The following PDZRN4 variants were observed in gnomAD, a reference collection of about 807,000 sequenced individuals.
The protein encoded by PDZRN4 is PDZ domain-containing RING finger protein 4.
A neutral mutation model predicts 99.0 loss-of-function variants in PDZRN4; 70 were observed. The ratio of observed to expected loss-of-function variants is 0.71; its 90% CI spans 0.58 to 0.86. The LOEUF is 0.86. Ranked by LOEUF, PDZRN4 falls within the 40% of genes least tolerant of loss-of-function variation. The pLI, the probability that PDZRN4 is intolerant of heterozygous loss-of-function variation, is 0.00. For synonymous variants in PDZRN4, 551 were observed against 501.6 expected (o/e 1.10, Z -1.32); for missense variants, 1,474 against 1,331.2 (o/e 1.11, Z -1.67).
intron 3 of PDZRN4, among the ~76,000 whole-genome samples, chr12:41,401,135 C>T (rs1952286079): frequency 6.6e-6 from 1 of 152,190 alleles, no homozygotes; most frequent in Non-Finnish European, 1.5e-5. Context: ...GTAAATGTTA[C>T]AAGTTTTGCC....
chr12:41,432,452 T>C (rs1246910850), intron 3 of PDZRN4, among the ~76,000 whole-genome samples: 1 of 152,226 alleles, frequency 6.6e-6, no homozygotes, highest in Non-Finnish European at 1.5e-5. Context: ...GTTACAAACA[T>C]AAATTTATGT....
At chr12:41,403,434 G>A (rs980807373) in intron 3 of PDZRN4, among the ~76,000 whole-genome samples, 1 of 152,108 alleles carries the variant, frequency 6.6e-6, no homozygotes, top group Non-Finnish European at 1.5e-5. Context: ...ATTTCCATCG[G>A]GAACGTGAGA....
At chr12:41,441,409 T>C (rs1416926001) in intron 3 of PDZRN4, among the ~76,000 whole-genome samples, 7 of 152,058 alleles carry the variant, frequency 4.6e-5, no homozygotes, top group African/African-American at 1.7e-4. Context: ...AGCTAAGAGG[T>C]CTCCCCACCA....
At chr12:41,433,343 C>G (rs1952600910) in intron 3 of PDZRN4, among the ~76,000 whole-genome samples, 2 of 152,154 alleles carry the variant, frequency 1.3e-5, no homozygotes, top group African/African-American at 4.8e-5. Context: ...CGTTGGAAAA[C>G]TGAGTTCAGA....
chr12:41,334,184 T>C (rs1467010891), intron 3 of PDZRN4, among the ~76,000 whole-genome samples: 3 of 152,094 alleles, frequency 2.0e-5, no homozygotes, highest in Non-Finnish European at 4.4e-5. Flanking sequence ...AACAAGGTCT[T>C]TGCTGGCCTC....
In PDZRN4 at chr12:41,573,709, G is replaced by A. The variant is rs1939526288; in HGVS notation, c.2930G>A (p.Ser977Asn). 6.2e-7 allele frequency: 1 copy of A among 1,613,812 alleles called. No individual in the cohort carries two copies. The highest frequency in any genetic ancestry group is 1.3e-5 in the African/African-American group (1 of 74,892). Residue 977 changes from serine (S) to asparagine (N), a missense_variant, in exon 10 of 10, where the codon AGC becomes AAC. Ser to Asn is a conservative substitution (Grantham distance 46). Coordinates refer to ENST00000402685, the MANE Select transcript of PDZRN4 (RefSeq NM_001164595.2). The stretch of plus-strand genomic sequence containing the variant: ...GAGTGTCTCAAGGAGAGCCCTCAGA[G>A]CGGCAGTGAGGGCAAGAAGGAGATC... ...RLECLKESPQ[S>N]GSEGKKEINI...
rs1446243365 is a variant in PDZRN4 at position 41,189,020 on chromosome 12, G to A, written c.565G>A (p.Ala189Thr). Residue 189 changes from alanine (A) to threonine (T), a missense_variant, in exon 1 of 10, where the codon GCG becomes ACG. Ala to Thr is a moderately conservative substitution (Grantham distance 58). Coordinates refer to ENST00000402685, the MANE Select transcript of PDZRN4 (RefSeq NM_001164595.2). ...WALQGEVQLT[A>T]RRYQEKFTQY... ...GCTGCAGGGCGAGGTGCAGCTCACG[G>A]CGCGCAGGTACCAGGAGAAGTTCAC... The A allele has an allele frequency of 3.2e-6, 5 of 1,560,296 alleles. No individual in the cohort carries two copies. Among genetic ancestry groups the A allele is most frequent in the Non-Finnish European group, 4.3e-6 (5 of 1,161,222 alleles).
intron 3 of PDZRN4, among the ~76,000 whole-genome samples, chr12:41,218,233 G>T (rs1210448299): frequency 6.6e-6 from 1 of 152,008 alleles, no homozygotes. Context: ...TCCTCTCCTA[G>T]TTCATTGCTT....
chr12:41,237,121 G>A (rs1190949586), intron 3 of PDZRN4, among the ~76,000 whole-genome samples: 1 of 152,022 alleles, frequency 6.6e-6, no homozygotes, highest in East Asian at 1.9e-4. Flanking sequence ...AACATAATTA[G>A]GTGATATTAA....
intron 2 of PDZRN4, 107 bp from the exon 3 acceptor site, chr12:41,193,974 A>G (rs1448279665): frequency 4.1e-5 from 26 of 629,084 alleles, no homozygotes; most frequent in Admixed American, 5.4e-5. Flanking sequence ...CAGCTAAGAG[A>G]GTTGCAGGTT....
chr12:41,447,984 G>C (rs1592062945), intron 3 of PDZRN4, among the ~76,000 whole-genome samples: 1 of 152,112 alleles, frequency 6.6e-6, no homozygotes, highest in South Asian at 2.1e-4. Flanking sequence ...TCCCTTGAAA[G>C]GGTCTATGGA....
chr12:41,491,295 G>A (rs959947634), intron 3 of PDZRN4, among the ~76,000 whole-genome samples: 3 of 152,066 alleles, frequency 2.0e-5, no homozygotes, highest in Non-Finnish European at 2.9e-5. Context: ...GGCCGAGGAG[G>A]GCAGATCATG....
intron 3 of PDZRN4, among the ~76,000 whole-genome samples, chr12:41,299,956 G>A (rs1951523218): frequency 6.6e-6 from 1 of 151,850 alleles, no homozygotes; most frequent in South Asian, 2.1e-4. Flanking sequence ...AATAGACTTA[G>A]TGCATATATC....
At chr12:41,508,077 T>A (rs1938238814) in intron 4 of PDZRN4, among the ~76,000 whole-genome samples, 1 of 152,222 alleles carries the variant, frequency 6.6e-6, no homozygotes, top group African/African-American at 2.4e-5. Context: ...GTTTTGCATT[T>A]ATTGACTCAT....
chr12:41,418,427 T>A (rs1222612891), intron 3 of PDZRN4, among the ~76,000 whole-genome samples: 1 of 152,108 alleles, frequency 6.6e-6, no homozygotes, highest in African/African-American at 2.4e-5. Flanking sequence ...AACAAGGAAG[T>A]AATAGGAGGT....
chr12:41,553,461 A>C (rs1939093143), intron 6 of PDZRN4, among the ~76,000 whole-genome samples: 1 of 152,172 alleles, frequency 6.6e-6, no homozygotes, highest in Non-Finnish European at 1.5e-5. Context: ...TATGCCTATA[A>C]ACCCTGCACT....
intron 3 of PDZRN4, among the ~76,000 whole-genome samples, chr12:41,425,339 G>A (rs2120420738): frequency 6.6e-6 from 1 of 151,428 alleles, no homozygotes; most frequent in African/African-American, 2.4e-5. Context: ...AGTATGGAAG[G>A]TGGAAGTATA....
intron 3 of PDZRN4, among the ~76,000 whole-genome samples, chr12:41,281,859 G>A (rs1951388100): frequency 6.6e-6 from 1 of 152,068 alleles, no homozygotes; most frequent in Non-Finnish European, 1.5e-5. Context: ...CCTTACAAGA[G>A]CTCCTGAAGA....
At chr12:41,319,335 G>A (rs1194008318) in intron 3 of PDZRN4, among the ~76,000 whole-genome samples, 6 of 152,034 alleles carry the variant, frequency 3.9e-5, no homozygotes, top group Non-Finnish European at 4.4e-5. Flanking sequence ...TGAAGCTGTG[G>A]GTGGACTGCT....
Sources: allele counts gnomAD v4.1 joint callset (sites outside exome capture counted in the v4.1 genomes callset), GRCh38; gene constraint gnomAD v4.1.1; transcripts MANE v1.5; gene names NCBI Gene and HGNC (gene_info 2026-07-23, HGNC 2026-07-21).